The following ADAMTS12 variants were observed in gnomAD, a reference collection of about 807,000 sequenced individuals.
ADAMTS12 encodes ADAM metallopeptidase with thrombospondin type 1 motif 12.
ADAMTS12 carries 118 observed loss-of-function variants against 167.8 expected under a neutral mutation model. The ratio of observed to expected loss-of-function variants is 0.70; its 90% confidence interval spans 0.61 to 0.82. ADAMTS12 has a LOEUF of 0.82. Among genes scored for constraint, ADAMTS12 ranks in the 40% least tolerant of loss-of-function variants. ADAMTS12 has a pLI of 0.00. For synonymous variants in ADAMTS12, 704 were observed against 716.9 expected, an observed-to-expected ratio of 0.98 and a Z score of 0.29; for missense variants, 1,916 against 1,998.8, an observed-to-expected ratio of 0.96 and a Z score of 0.79.
At chr5:33,830,130 T>C (rs1021495582) in intron 2 of ADAMTS12, among the ~76,000 whole-genome samples, 7 of 152,072 alleles carry the variant, frequency 4.6e-5, no homozygotes, top group African/African-American at 9.7e-5. Context: ...GAGGCTCTGA[T>C]GGATTAAAGA....
intron 3 of ADAMTS12, among the ~76,000 whole-genome samples, chr5:33,697,834 T>C (rs1742841425): frequency 6.6e-6 from 1 of 152,260 alleles, no homozygotes. Flanking sequence ...GGGGCAGGAC[T>C]TGCTTCAGGA....
At chr5:33,757,817 C>T (rs905036505) in intron 2 of ADAMTS12, among the ~76,000 whole-genome samples, 2 of 152,182 alleles carry the variant, frequency 1.3e-5, no homozygotes, top group African/African-American at 4.8e-5. Context: ...AGGGTTATGA[C>T]TATCAGAGAC....
chr5:33,640,917 T>C (rs903849789), intron 11 of ADAMTS12, among the ~76,000 whole-genome samples: 1 of 151,070 alleles, frequency 6.6e-6, no homozygotes, highest in African/African-American at 2.4e-5. Flanking sequence ...ATACAGTTAT[T>C]AACAAAAAGG....
intron 2 of ADAMTS12, among the ~76,000 whole-genome samples, chr5:33,780,139 G>A (rs1222969078): frequency 1.3e-5 from 2 of 152,066 alleles, no homozygotes; most frequent in Non-Finnish European, 2.9e-5. Flanking sequence ...TGTAGGAGGG[G>A]AAACCAACCA....
chr5:33,631,659 CAGAA>C (rs1443506827), intron 12 of ADAMTS12, among the ~76,000 whole-genome samples: 1 of 152,064 alleles, frequency 6.6e-6, no homozygotes, highest in Non-Finnish European at 1.5e-5. Flanking sequence ...ACAGAATAAC[CAGAA>C]AGATAGATAA....
chr5:33,712,901 C>A (rs1427474580), intron 3 of ADAMTS12, among the ~76,000 whole-genome samples: 1 of 152,018 alleles, frequency 6.6e-6, no homozygotes, highest in Non-Finnish European at 1.5e-5. Flanking sequence ...GGGGTCATGG[C>A]CTAGATCCAA....
At chr5:33,723,348 A>G (rs1479408770) in intron 3 of ADAMTS12, among the ~76,000 whole-genome samples, 2 of 152,136 alleles carry the variant, frequency 1.3e-5, no homozygotes, top group Non-Finnish European at 2.9e-5. Flanking sequence ...AATCCTGTGT[A>G]TCTCTCTAAG....
At chr5:33,623,904 TG>T (rs1490533761) in intron 14 of ADAMTS12, among the ~76,000 whole-genome samples, 3 of 152,200 alleles carry the variant, frequency 2.0e-5, no homozygotes, top group Non-Finnish European at 4.4e-5. Context: ...TTGGCTTTAA[TG>T]CTGGATCCTC....
chr5:33,762,421 T>C (rs913371192), intron 2 of ADAMTS12, among the ~76,000 whole-genome samples: 25 of 151,376 alleles, frequency 1.7e-4, no homozygotes, highest in Non-Finnish European at 2.7e-4. Flanking sequence ...GGCAGGAGAA[T>C]GGTGTGAACC....
chr5:33,767,590 T>C (rs1200653538), intron 2 of ADAMTS12, among the ~76,000 whole-genome samples: 2 of 152,206 alleles, frequency 1.3e-5, no homozygotes, highest in African/African-American at 2.4e-5. Flanking sequence ...TACTAAATAA[T>C]ATATACAAAT....
At chr5:33,559,300 G>A (rs533182509) in intron 20 of ADAMTS12, among the ~76,000 whole-genome samples, 3 of 152,142 alleles carry the variant, frequency 2.0e-5, no homozygotes, top group Non-Finnish European at 2.9e-5. Flanking sequence ...GGTTGATCAT[G>A]TATGGCAAAC....
At chr5:33,784,089 A>C (rs1336877543) in intron 2 of ADAMTS12, among the ~76,000 whole-genome samples, 2 of 151,894 alleles carry the variant, frequency 1.3e-5, no homozygotes, top group African/African-American at 4.8e-5. Context: ...CAAATTAATA[A>C]AATAAAGAAC....
intron 2 of ADAMTS12, among the ~76,000 whole-genome samples, chr5:33,838,645 G>A (rs1748622040): frequency 1.3e-5 from 2 of 152,118 alleles, no homozygotes; most frequent in Non-Finnish European, 2.9e-5. Flanking sequence ...TCGTGCCACT[G>A]CGCTCCAGCC....
At chr5:33,699,530 T>C (rs1742919797) in intron 3 of ADAMTS12, among the ~76,000 whole-genome samples, 1 of 152,118 alleles carries the variant, frequency 6.6e-6, no homozygotes, top group Non-Finnish European at 1.5e-5. Flanking sequence ...TAAGACAGTC[T>C]ATAAAAGAAA....
chr5:33,829,871 T>C (rs1348889991), intron 2 of ADAMTS12, among the ~76,000 whole-genome samples: 1 of 152,238 alleles, frequency 6.6e-6, no homozygotes, highest in Non-Finnish European at 1.5e-5. Context: ...GAAATCCATC[T>C]GGCCCCAGTC....
intron 18 of ADAMTS12, among the ~76,000 whole-genome samples, chr5:33,579,533 T>C (rs1746945514): frequency 6.7e-6 from 1 of 149,068 alleles, no homozygotes; most frequent in South Asian, 2.2e-4. Flanking sequence ...TTAGCTTTAC[T>C]TGTACACTTT....
chr5:33,599,521 A>G (rs373394462), intron 16 of ADAMTS12, among the ~76,000 whole-genome samples: 2 of 109,800 alleles, frequency 1.8e-5, no homozygotes, highest in East Asian at 3.0e-4. Flanking sequence ...TGGAGGCACT[A>G]TCTCTTTAAC....
rs180910282 is a variant in ADAMTS12, at chr5:33,864,566, T to C, written c.489+16553A>G. Among the ~76,000 whole-genome samples the C allele has an allele frequency of 1.7e-3, 261 of 152,290 alleles. 2 individuals carry two copies. Among genetic ancestry groups the C allele is most frequent in the African/African-American group, 5.9e-3 (247 of 41,560 alleles). On this transcript the variant is annotated intron_variant, in intron 2 of 23. Transcript: ENST00000504830. ...ATGTTTATTGCAGCACTATTCACCA[T>C]AGCAAAGACTAGGAACCAACCCAAA... is the stretch of plus-strand genomic sequence containing the variant.
At chr5:33,542,206 C>T (rs1173544022) in intron 22 of ADAMTS12, among the ~76,000 whole-genome samples, 1 of 151,894 alleles carries the variant, frequency 6.6e-6, no homozygotes. Context: ...TCTGATAAAA[C>T]AGACTTTAAA....
Sources: allele counts gnomAD v4.1 joint callset (sites outside exome capture counted in the v4.1 genomes callset), GRCh38; gene constraint gnomAD v4.1.1; transcripts MANE v1.5; gene names NCBI Gene and HGNC (gene_info 2026-07-23, HGNC 2026-07-21).